Variants in HEXD observed in about 807,000 individuals in gnomAD.
HEXD encodes hexosaminidase D.
HEXD carries 47 observed loss-of-function variants against 54.2 expected under a neutral mutation model. That is an observed-to-expected ratio of 0.87 (90% CI 0.69 to 1.11). The LOEUF is 1.11. Ranked by LOEUF, HEXD falls within the 50% of genes least tolerant of loss-of-function variation. The probability of loss-of-function intolerance (pLI) is 0.00; values close to 1 mark genes in which losing one functional copy is unlikely to be tolerated. For missense variants in HEXD, 576 were observed against 649.2 expected, an observed-to-expected ratio of 0.89 and a Z score of 1.23; for synonymous variants, 293 against 287.6, an observed-to-expected ratio of 1.02 and a Z score of -0.19.
rs754807818 is a variant in HEXD at position 82,442,390 on chromosome 17, G to A, written c.*6G>A. ...ACGTTGCTCAGGACCCCTGAGGGGA[G>A]AGCTCATGCCAGGGGGCTCCTGCTG... On this transcript the variant is annotated 3_prime_UTR_variant, in exon 13 of 13. Transcript: ENST00000327949. This position sits in a 1 kb window ranked among gnomAD's most constrained non-coding sequence, Gnocchi z 6.8. 1 of 1,609,680 alleles carries A rather than the reference G, an allele frequency of 6.2e-7. No homozygotes were observed. The highest frequency in any genetic ancestry group is 8.5e-7 in the Non-Finnish European group (1 of 1,177,570).
rs1334971339 is a variant in HEXD at position 82,433,092 on chromosome 17, ATATATATAT to A, written c.283-565_283-557del. Among the ~76,000 whole-genome samples, 37 of 10,340 alleles carry A rather than the reference ATATATATAT, an allele frequency of 3.6e-3. 10 individuals are homozygous for A. In the South Asian group the frequency reaches 0.08, roughly 22 times the overall value. 6.8% of individuals were successfully genotyped at this position (10,340 alleles called of 152,430 possible). A position where few individuals can be genotyped will look rare whatever the true frequency, so the allele number is the denominator to read the frequency against. The stretch of plus-strand genomic sequence containing the variant: ...AAAAAAAAAAGAAAAAAAAAAAAAA[ATATATATAT>A]ATATATATATATATATATATATATA... On this transcript the variant is annotated intron_variant, in intron 4 of 12. Coordinates refer to ENST00000327949, the MANE Select transcript of HEXD (RefSeq NM_001330542.2).
Position 82,429,296 on chromosome 17 carries a change from T to TGCATCAAACAGGAAGTGATGCG in HEXD, c.282+656_282+677dup, listed in dbSNP as rs371297381. ...ATATACACATATTCTTTTTCCTGTC[T>TGCATCAAACAGGAAGTGATGCG]GCATCAAACAGGAAGTGATGCGGCA... On this transcript the variant is annotated intron_variant, in intron 4 of 12. Transcript: ENST00000327949. 1.3e-3 allele frequency among the ~76,000 whole-genome samples: 199 copies of TGCATCAAACAGGAAGTGATGCG among 152,260 alleles called. 1 individual carries two copies. The highest frequency in any genetic ancestry group is 4.6e-3 in the African/African-American group (192 of 41,546).
intron 1 of HEXD, among the ~76,000 whole-genome samples, chr17:82,419,140 C>T (rs1389282459): frequency 2.0e-5 from 3 of 152,188 alleles, no homozygotes; most frequent in African/African-American, 7.2e-5. Context: ...TTTTACCCTT[C>T]CCCAGCTGCT....
chr17:82,424,295 T>G, intron 2 of HEXD, 99 bp from the exon 3 acceptor site: 1 of 760,504 alleles, frequency 1.3e-6, no homozygotes, highest in East Asian at 2.5e-5. Context: ...ACTCCCACAG[T>G]CTCCACAGGC....
rs555715895 is a variant in HEXD at position 82,435,706 on chromosome 17, G to C, written c.465G>C (p.Glu155Asp). ...IGCDEVYYLG[E>D]GEASRRWLQQ... is the part of the protein sequence containing the mutation. ...CCTTGCAGGTCTATTACCTCGGAGA[G>C]GGGGAGGCCTCGCGCCGGTGGCTAC... Residue 155 changes from glutamate to aspartate, a missense_variant, in exon 6 of 13, where the codon GAG becomes GAC. Coordinates refer to ENST00000327949, the MANE Select transcript of HEXD (RefSeq NM_001330542.2). 1.9e-6 allele frequency: 3 copies of C among 1,612,418 alleles called. No individual in the cohort carries two copies. Among genetic ancestry groups the C allele is most frequent in the African/African-American group, 2.7e-5 (2 of 75,058 alleles).
chr17:82,424,820 G>T (rs1398011441), intron 3 of HEXD, among the ~76,000 whole-genome samples: 2 of 152,248 alleles, frequency 1.3e-5, no homozygotes, highest in African/African-American at 2.4e-5. Context: ...GAGAAGGCTG[G>T]ACTACAGAAG....
chr17:82,436,985 T>C (rs2053787794), intron 7 of HEXD, 183 bp from the exon 8 acceptor site: 1 of 667,156 alleles, frequency 1.5e-6, no homozygotes, highest in Non-Finnish European at 2.6e-6. Context: ...ACGTACACTC[T>C]GGAGTCTCCC....
intron 4 of HEXD, among the ~76,000 whole-genome samples, chr17:82,429,934 G>A (rs1485028178): frequency 6.6e-6 from 1 of 152,060 alleles, no homozygotes; most frequent in Non-Finnish European, 1.5e-5. Flanking sequence ...CCAGCTGCCT[G>A]CTGGTCGCTT....
In HEXD at chr17:82,418,674, C is replaced by T. The variant is rs1047565124; in HGVS notation, c.-118C>T. ...GGGGCGGGGCTCAGAGCGGAGGCGG[C>T]GGCCGCGAGGGCGGGGCGGCCGGGC... On this transcript the variant is annotated 5_prime_UTR_variant, in exon 1 of 13. Coordinates refer to ENST00000327949, the MANE Select transcript of HEXD (RefSeq NM_001330542.2). 2.2e-3 allele frequency: 390 copies of T among 180,014 alleles called. 6 individuals are homozygous for T. Among genetic ancestry groups the T allele is most frequent in the East Asian group, 5.2e-3 (32 of 6,206 alleles). The allele number at this position is 180,014 out of a possible 1,614,324, so 11.2% of individuals were successfully genotyped here.
intron 4 of HEXD, among the ~76,000 whole-genome samples, chr17:82,432,197 A>G (rs1399903806): frequency 6.6e-6 from 1 of 152,168 alleles, no homozygotes; most frequent in East Asian, 1.9e-4. Context: ...AGGTTCGCGC[A>G]GTTCCCACCT....
In HEXD at chr17:82,442,397, T is replaced by C; in HGVS notation, c.*13T>C. ...TCAGGACCCCTGAGGGGAGAGCTCATGCCAGGGGGCTCCTGCTGGAGGCTG... is the reference window on the plus strand; with the variant it reads ...TCAGGACCCCTGAGGGGAGAGCTCACGCCAGGGGGCTCCTGCTGGAGGCTG... On this transcript the variant is annotated 3_prime_UTR_variant, in exon 13 of 13. Coordinates refer to ENST00000327949, the MANE Select transcript of HEXD (RefSeq NM_001330542.2). This position sits in a 1 kb window ranked among gnomAD's most constrained non-coding sequence, Gnocchi z 6.8. The C allele has an allele frequency of 6.2e-7, 1 of 1,609,366 alleles. No homozygotes were observed. The highest frequency in any genetic ancestry group is 2.2e-5 in the East Asian group (1 of 44,722).
intron 3 of HEXD, among the ~76,000 whole-genome samples, chr17:82,424,793 G>A (rs962011546): frequency 6.6e-6 from 1 of 152,250 alleles, no homozygotes; most frequent in Non-Finnish European, 1.5e-5. Context: ...TCCTGCAGGC[G>A]TTTCTTCTGT....
Position 82,433,776 on chromosome 17 carries a change from T to G in HEXD, c.401T>G (p.Leu134Arg). 3 of 1,613,110 alleles carry G rather than the reference T, an allele frequency of 1.9e-6. No individual in the cohort carries two copies. The highest frequency in any genetic ancestry group is 2.5e-6 in the Non-Finnish European group (3 of 1,179,790). The part of the protein sequence containing the change: ...ALVGAMIDQV[L>R]ELHPGAQRLH... ...GTGGGCGCCATGATTGACCAGGTCC[T>G]GGAGCTACACCCAGGCGCCCAGCGG... The change falls in exon 5 of 13, where the codon CTG becomes CGG. Residue 134 changes from leucine to arginine, a missense_variant. Coordinates refer to ENST00000327949, the MANE Select transcript of HEXD (RefSeq NM_001330542.2).
At chr17:82,419,269 G>A (rs1479796154) in intron 1 of HEXD, among the ~76,000 whole-genome samples, 4 of 152,084 alleles carry the variant, frequency 2.6e-5, no homozygotes, top group African/African-American at 9.7e-5. Flanking sequence ...TCTCCAACCT[G>A]GAGTCAGTTT....
rs375812231 is a variant in HEXD, at chr17:82,441,125, C to G, written c.1062-40C>G. 91 of 1,613,512 alleles carry G rather than the reference C, an allele frequency of 5.6e-5. No homozygotes were observed. The highest frequency in any genetic ancestry group is 1.7e-4 in the Middle Eastern group (1 of 6,060). ...TCCCCTTCTTCCCCTCCCCTTCCCC[C>G]GCCCGTGGAGACAGCTGTTCTCAGC... On this transcript the variant is annotated intron_variant, in intron 10 of 12. Transcript: ENST00000327949.
chr17:82,433,025 C>A lies in HEXD; in HGVS notation c.283-633C>A, dbSNP rs548107663. On this transcript the variant is annotated intron_variant, in intron 4 of 12. Coordinates refer to ENST00000327949, the MANE Select transcript of HEXD (RefSeq NM_001330542.2). ...AGCTTGTAGTGAGCCGAGATCATGC[C>A]ACTGCACTCCAGACTGGGCGGCAGA... 3.5e-3 allele frequency among the ~76,000 whole-genome samples: 447 copies of A among 129,036 alleles called. 4 individuals carry two copies. The highest frequency in any genetic ancestry group is 0.012 in the African/African-American group (409 of 34,044). 84.7% of individuals were successfully genotyped at this position (129,036 alleles called of 152,430 possible). A position where few individuals can be genotyped will look rare whatever the true frequency, so the allele number is the denominator to read the frequency against.
chr17:82,440,072 G>A (rs1343634006), intron 9 of HEXD: 1 of 1,295,462 alleles, frequency 7.7e-7, no homozygotes, highest in Non-Finnish European at 1.0e-6. Flanking sequence ...CAGGCGCCCG[G>A]CCCTGGAAGG....
In HEXD at chr17:82,440,349, A is replaced by G. The variant is rs139269716; in HGVS notation, c.982+636A>G. The G allele has an allele frequency of 3.0e-5, 37 of 1,220,034 alleles. 1 individual carries two copies. The East Asian group carries it at 2.1e-3, about 68-fold the overall frequency. 75.6% of individuals were successfully genotyped at this position (1,220,034 alleles called of 1,614,324 possible). ...GGACGCGGCCGGTGAGAGGACGCAG[A>G]ATGAGATCAGATTGACTTCTCAGTT... On this transcript the variant is annotated intron_variant, in intron 9 of 12. Coordinates refer to ENST00000327949, the MANE Select transcript of HEXD (RefSeq NM_001330542.2).
intron 2 of HEXD, among the ~76,000 whole-genome samples, chr17:82,422,185 A>T (rs1375895181): frequency 6.6e-6 from 1 of 151,650 alleles, no homozygotes; most frequent in Non-Finnish European, 1.5e-5. Context: ...AAAAAAAGAA[A>T]AAAGAAGATG....
Sources: allele counts gnomAD v4.1 joint callset (sites outside exome capture counted in the v4.1 genomes callset), GRCh38; gene constraint gnomAD v4.1.1; non-coding constraint Gnocchi (gnomAD v3.1); transcripts MANE v1.5; gene names NCBI Gene and HGNC (gene_info 2026-07-23, HGNC 2026-07-21).